OR6N1: variants seen among roughly 807,000 people sequenced by gnomAD.
The protein encoded by OR6N1 is olfactory receptor 6N1.
For missense variants in OR6N1, 394 were observed against 371.7 expected (o/e 1.06, Z -0.49); for synonymous variants, 170 against 150.7 (o/e 1.13, Z -0.94).
the OR6N1 span, among the ~76,000 whole-genome samples, chr1:158,830,335 A>T: frequency 6.6e-6 from 1 of 151,972 alleles, no homozygotes. Flanking sequence ...ACCCTGCTTT[A>T]GTGGGGTTTA....
At chr1:158,807,559 C>T in the OR6N1 span, among the ~76,000 whole-genome samples, 1 of 152,118 alleles carries the variant, frequency 6.6e-6, no homozygotes, top group Non-Finnish European at 1.5e-5. Context: ...GTTTTTTCTC[C>T]ATCAAACTAC....
upstream of OR6N1, chr1:158,774,151 C>T (rs1315014013): frequency 1.3e-5 from 2 of 152,194 alleles, no homozygotes; most frequent in African/African-American, 4.8e-5. Context: ...TACTCACTAA[C>T]CTCTCTCCCT....
chr1:158,787,635 T>TCTCTCTCTCTCTCTCACACACACACACA, the OR6N1 span, among the ~76,000 whole-genome samples: 1 of 134,206 alleles, frequency 7.5e-6, no homozygotes, highest in Non-Finnish European at 1.6e-5. Context: ...TCTCTCTCTC[T>TCTCTCTCTCTCTCTCACACACACACACA]CACACACACA....
the OR6N1 span, among the ~76,000 whole-genome samples, chr1:158,828,427 A>G: frequency 6.6e-6 from 1 of 152,224 alleles, no homozygotes; most frequent in Non-Finnish European, 1.5e-5. Context: ...AAGGAGCTAC[A>G]GGCCCCATGC....
the OR6N1 span, among the ~76,000 whole-genome samples, chr1:158,818,584 G>A: frequency 1.3e-5 from 2 of 152,200 alleles, no homozygotes; most frequent in African/African-American, 4.8e-5. Flanking sequence ...CTGTAGCAAT[G>A]TGTAGAGTCT....
At chr1:158,777,072 G>A, upstream of OR6N1, 1 of 1,614,134 alleles carries the variant, frequency 6.2e-7, no homozygotes, top group African/African-American at 1.3e-5. Flanking sequence ...TGTCCTTGCA[G>A]GCCAAGCTCA....
upstream of OR6N1, among the ~76,000 whole-genome samples, chr1:158,772,939 A>G (rs1657460512): frequency 6.6e-6 from 1 of 152,266 alleles, no homozygotes; most frequent in African/African-American, 2.4e-5. Context: ...CATGTATCAA[A>G]ACATCACATA....
At chr1:158,777,636 G>A in the OR6N1 span, 1 of 1,587,940 alleles carries the variant, frequency 6.3e-7, no homozygotes. Context: ...ATTGATCCAT[G>A]GGAGGCTGAG....
the OR6N1 span, among the ~76,000 whole-genome samples, chr1:158,802,445 T>C: frequency 6.6e-6 from 1 of 152,120 alleles, no homozygotes; most frequent in East Asian, 1.9e-4. Context: ...CCTGACCTCG[T>C]GATCCACCCG....
the OR6N1 span, among the ~76,000 whole-genome samples, chr1:158,834,441 C>A: frequency 6.6e-6 from 1 of 151,912 alleles, no homozygotes; most frequent in Non-Finnish European, 1.5e-5. Flanking sequence ...CCGTGTTTAT[C>A]AATTTTTATC....
chr1:158,799,829 A>T, the OR6N1 span, among the ~76,000 whole-genome samples: 1 of 152,012 alleles, frequency 6.6e-6, no homozygotes. Flanking sequence ...AGACTTGTGA[A>T]CCTCCACAGC....
At chr1:158,787,590 C>T in the OR6N1 span, among the ~76,000 whole-genome samples, 1 of 127,850 alleles carries the variant, frequency 7.8e-6, no homozygotes, top group Non-Finnish European at 1.6e-5. Context: ...TATATACTTT[C>T]TCTCTCTCTC....
At chr1:158,771,382 G>A (rs1387134882) in intron 1 of OR6N1, among the ~76,000 whole-genome samples, 7 of 152,088 alleles carry the variant, frequency 4.6e-5, no homozygotes, top group African/African-American at 9.7e-5. Context: ...TGATATATCC[G>A]AGTTATGGTG....
At chr1:158,834,603 A>G in the OR6N1 span, among the ~76,000 whole-genome samples, 1 of 152,120 alleles carries the variant, frequency 6.6e-6, no homozygotes, top group Admixed American at 6.5e-5. Flanking sequence ...TCTTTGATGT[A>G]TATAAAAATT....
At chr1:158,798,194 A>G in the OR6N1 span, among the ~76,000 whole-genome samples, 1 of 151,546 alleles carries the variant, frequency 6.6e-6, no homozygotes, top group Non-Finnish European at 1.5e-5. Flanking sequence ...ATTTTTAGGA[A>G]CCAACATTTT....
chr1:158,838,208 C>T, the OR6N1 span, among the ~76,000 whole-genome samples: 1 of 151,890 alleles, frequency 6.6e-6, no homozygotes, highest in Non-Finnish European at 1.5e-5. Flanking sequence ...GTTTGAGTTA[C>T]CATCTAGCAT....
At chr1:158,766,825 G>A (rs909315709) in intron 1 of OR6N1, 125 bp from the exon 2 acceptor site, 1 of 622,190 alleles carries the variant, frequency 1.6e-6, no homozygotes, top group African/African-American at 1.8e-5. Context: ...CTAAGTAAAT[G>A]CTTTGAGAGG....
chr1:158,782,155 A>T, the OR6N1 span, among the ~76,000 whole-genome samples: 40 of 152,354 alleles, frequency 2.6e-4, no homozygotes, highest in African/African-American at 9.4e-4. Flanking sequence ...ACCCTCAGGC[A>T]GTTGTGTATT....
chr1:158,804,831 C>G, the OR6N1 span, among the ~76,000 whole-genome samples: 2 of 151,944 alleles, frequency 1.3e-5, no homozygotes, highest in Non-Finnish European at 2.9e-5. Flanking sequence ...TTTGAAACAG[C>G]TTTTATGTCC....
Sources: gnomAD v4.1 joint callset for allele counts (sites outside exome capture counted in the v4.1 genomes callset) on GRCh38, gnomAD v4.1.1 for gene constraint, MANE v1.5 for transcripts, NCBI Gene and HGNC (gene_info 2026-07-23, HGNC 2026-07-21) for gene names.